The following TFDP1 variants were observed in gnomAD, a reference collection of about 807,000 sequenced individuals.
TFDP1 encodes the protein DRTF1-polypeptide 1.
TFDP1 carries 6 observed loss-of-function variants against 48.0 expected under a neutral mutation model. That is an observed-to-expected ratio of 0.13 (90% CI 0.07 to 0.25). The LOEUF (loss-of-function observed/expected upper bound fraction) is 0.25. TFDP1 is among the 10% of genes least tolerant of loss of function. TFDP1 has a pLI of 1.00. For synonymous variants in TFDP1, 201 were observed against 211.6 expected, an observed-to-expected ratio of 0.95 and a Z score of 0.44; for missense variants, 335 against 543.0, an observed-to-expected ratio of 0.62 and a Z score of 3.81.
chr13:113,612,590 CAAT>C (rs1229287773), intron 3 of TFDP1, among the ~76,000 whole-genome samples: 5 of 152,122 alleles, frequency 3.3e-5, no homozygotes, highest in Admixed American at 1.3e-4. Context: ...GCAGAAATAA[CAAT>C]AAAAAAGTTC....
rs1018979336 is a variant in TFDP1, at chr13:113,640,047, C to T, written c.1086-73C>T. ...TGTGGGGCACAGCCTGTCATTTGACCACAAGCCCTGAGGCGGGGGGAGGCT... is the reference window on the plus strand; with the variant it reads ...TGTGGGGCACAGCCTGTCATTTGACTACAAGCCCTGAGGCGGGGGGAGGCT... On this transcript the variant is annotated intron_variant, in intron 11 of 11. Transcript: ENST00000375370. 8.7e-6 allele frequency: 10 copies of T among 1,155,198 alleles called. No homozygotes were observed. In the African/African-American group the frequency reaches 1.4e-4, roughly 16 times the overall value. The allele number at this position is 1,155,198 out of a possible 1,614,324, so 71.6% of individuals were successfully genotyped here. A position where few individuals can be genotyped will look rare whatever the true frequency, so the allele number is the denominator to read the frequency against.
At position 113,607,958 on chromosome 13, in the gene TFDP1, C is replaced by T. The variant is rs2048610203; in HGVS notation, c.13-3038C>T. Among the ~76,000 whole-genome samples, 1 of 152,176 alleles carries T rather than the reference C, an allele frequency of 6.6e-6. No individual in the cohort carries two copies. ...GGGGCAGTTGGTGTTCTCGCAGGGC[C>T]TGTGTTGGTGCATATGAGGAGTGTT... On this transcript the variant is annotated intron_variant, in intron 2 of 11. Transcript: ENST00000375370. This position sits in a 1 kb window ranked among gnomAD's most constrained non-coding sequence, Gnocchi z 5.2.
At chr13:113,635,086 G>A (rs1340081801) in intron 8 of TFDP1, among the ~76,000 whole-genome samples, 6 of 152,228 alleles carry the variant, frequency 3.9e-5, no homozygotes, top group Admixed American at 2.6e-4. Context: ...TAAAACTGTG[G>A]TGGACACAGT....
At chr13:113,631,425 C>T (rs571614256) in intron 4 of TFDP1, among the ~76,000 whole-genome samples, 198 bp from the exon 5 acceptor site, 5 of 152,250 alleles carry the variant, frequency 3.3e-5, no homozygotes, top group East Asian at 1.9e-4. Context: ...GGAAGATGAG[C>T]CACATTCAGA....
Position 113,602,152 on chromosome 13 carries a change from G to T in TFDP1, c.13-8844G>T, listed in dbSNP as rs571889258. On this transcript the variant is annotated intron_variant, in intron 2 of 11. Coordinates refer to ENST00000375370, the MANE Select transcript of TFDP1 (RefSeq NM_007111.5). ...GTTACCCGCAGGAGTTGAGGGAGGAGTGGACGGAGTTACCCACAGGAGTCG... is the reference window on the plus strand; with the variant it reads ...GTTACCCGCAGGAGTTGAGGGAGGATTGGACGGAGTTACCCACAGGAGTCG... 4.6e-5 allele frequency among the ~76,000 whole-genome samples: 7 copies of T among 151,420 alleles called. No homozygotes were observed. In the East Asian group the frequency reaches 1.4e-3, roughly 30 times the overall value.
At chr13:113,624,329 G>A (rs745445795) in intron 4 of TFDP1, among the ~76,000 whole-genome samples, 5 of 151,376 alleles carry the variant, frequency 3.3e-5, no homozygotes, top group Non-Finnish European at 5.9e-5. Context: ...GTGTCCTCAC[G>A]TGTCTCTCGG....
intron 2 of TFDP1, among the ~76,000 whole-genome samples, chr13:113,609,946 G>A (rs765666236): frequency 2.6e-5 from 4 of 152,210 alleles, no homozygotes; most frequent in Non-Finnish European, 4.4e-5. Flanking sequence ...CCTCCTCTTG[G>A]GATGGCTTTT....
At chr13:113,630,135 C>T (rs2049295106) in intron 4 of TFDP1, among the ~76,000 whole-genome samples, 2 of 149,190 alleles carry the variant, frequency 1.3e-5, no homozygotes, top group East Asian at 2.0e-4. Context: ...GGATCTCCCA[C>T]GTGGCCCAGT....
chr13:113,640,248 A>G lies in TFDP1; in HGVS notation c.1214A>G (p.Glu405Gly). 3.1e-6 allele frequency: 5 copies of G among 1,613,022 alleles called. No homozygotes were observed. The highest frequency in any genetic ancestry group is 4.2e-6 in the Non-Finnish European group (5 of 1,179,644). Residue 405 changes from glutamate to glycine, a missense_variant, in exon 12 of 12, where the codon GAG becomes GGG. Coordinates refer to ENST00000375370, the MANE Select transcript of TFDP1 (RefSeq NM_007111.5). ...GACGAGGAGGACGATGACTTCAACGAGAATGACGAGGACGACTGACGTCCT... is the reference window on the plus strand; with the variant it reads ...GACGAGGAGGACGATGACTTCAACGGGAATGACGAGGACGACTGACGTCCT... ...EDDEEDDDFN[E>G]NDEDD
chr13:113,630,064 C>G (rs1334677733), intron 4 of TFDP1, among the ~76,000 whole-genome samples: 8 of 152,182 alleles, frequency 5.3e-5, no homozygotes, highest in Non-Finnish European at 8.8e-5. Flanking sequence ...ACGTAGGAAG[C>G]CGTGCGGGGC....
intron 4 of TFDP1, among the ~76,000 whole-genome samples, chr13:113,625,767 GGC>G (rs1566667458): frequency 6.5e-4 from 77 of 119,202 alleles, no homozygotes; most frequent in Admixed American, 2.0e-3. Context: ...CGTGTCCTCA[GGC>G]GTCTCTCACG....
intron 3 of TFDP1, among the ~76,000 whole-genome samples, chr13:113,618,882 C>T (rs2048925823): frequency 6.6e-6 from 1 of 152,196 alleles, no homozygotes. Flanking sequence ...AGAATGCGAG[C>T]CATATAATAT....
chr13:113,587,482 CTTTT>C (rs34556944), intron 2 of TFDP1, among the ~76,000 whole-genome samples: 2 of 125,478 alleles, frequency 1.6e-5, no homozygotes, highest in African/African-American at 6.2e-5. Flanking sequence ...TTCGCTAGCT[CTTTT>C]TTTTTTTTTT....
At chr13:113,596,735 T>C (rs778862368) in intron 2 of TFDP1, among the ~76,000 whole-genome samples, 6 of 152,160 alleles carry the variant, frequency 3.9e-5, no homozygotes, top group Non-Finnish European at 8.8e-5. Context: ...CCAAATCCTA[T>C]TCTGGGGTGG....
At chr13:113,613,317 C>T (rs1230861385) in intron 3 of TFDP1, among the ~76,000 whole-genome samples, 1 of 152,172 alleles carries the variant, frequency 6.6e-6, no homozygotes, top group African/African-American at 2.4e-5. Context: ...CCCGGCCACA[C>T]GTGGTTATTT....
intron 8 of TFDP1, 112 bp from the exon 9 acceptor site, chr13:113,635,865 G>T: frequency 7.7e-7 from 1 of 1,295,484 alleles, no homozygotes; most frequent in South Asian, 1.4e-5. Flanking sequence ...CAGATGTCCA[G>T]GCCAACTCCT....
At chr13:113,615,831 G>C (rs978497919) in intron 3 of TFDP1, among the ~76,000 whole-genome samples, 1 of 152,138 alleles carries the variant, frequency 6.6e-6, no homozygotes. Context: ...AGGATCGCTT[G>C]AGCCTGGGAG....
At chr13:113,615,038 A>G (rs2048823401) in intron 3 of TFDP1, among the ~76,000 whole-genome samples, 1 of 152,060 alleles carries the variant, frequency 6.6e-6, no homozygotes, top group Non-Finnish European at 1.5e-5. Context: ...TGACTGTCAC[A>G]CCCTTCGAGG....
At chr13:113,625,502 AGGTGTCTCTCACG>A (rs2049130631) in intron 4 of TFDP1, among the ~76,000 whole-genome samples, 1 of 97,970 alleles carries the variant, frequency 1.0e-5, no homozygotes, top group African/African-American at 5.9e-5. Context: ...ACGTGTTCTC[AGGTGTCTCTCACG>A]TGTCCTCAGG....
Sources: gnomAD v4.1 joint callset for allele counts (sites outside exome capture counted in the v4.1 genomes callset) on GRCh38, gnomAD v4.1.1 for gene constraint, Gnocchi (gnomAD v3.1) non-coding constraint, MANE v1.5 for transcripts, NCBI Gene and HGNC (gene_info 2026-07-23, HGNC 2026-07-21) for gene names.